The following PITPNB variants were observed in gnomAD, a reference collection of about 807,000 sequenced individuals.
PITPNB encodes phosphatidylinositol transfer protein beta.
In PITPNB, 16 loss-of-function variants were observed where a neutral mutation model predicts 45.9. That is an observed-to-expected ratio of 0.35 (90% CI 0.24 to 0.53). The LOEUF is 0.53. PITPNB is among the 20% of genes least tolerant of loss of function. PITPNB has a pLI of 0.93. For missense variants in PITPNB, 188 were observed against 330.5 expected (o/e 0.57, Z 3.34); for synonymous variants, 112 against 108.9 (o/e 1.03, Z -0.18).
chr22:27,903,411 G>A (rs1020957942), intron 3 of PITPNB, among the ~76,000 whole-genome samples: 1 of 150,220 alleles, frequency 6.7e-6, no homozygotes, highest in Non-Finnish European at 1.5e-5. Flanking sequence ...GGAGGTTGTG[G>A]TGAGCCGAGA....
chr22:27,913,289 T>C (rs1032692894), intron 2 of PITPNB, among the ~76,000 whole-genome samples: 1 of 152,190 alleles, frequency 6.6e-6, no homozygotes, highest in Non-Finnish European at 1.5e-5. Context: ...CTTTTTCACT[T>C]CCTGCATTTC....
At chr22:27,879,057 A>G (rs1181600367) in intron 7 of PITPNB, among the ~76,000 whole-genome samples, 2 of 151,780 alleles carry the variant, frequency 1.3e-5, no homozygotes, top group Non-Finnish European at 2.9e-5. Flanking sequence ...AATCTTTCTG[A>G]TCTCAAAGAG....
intron 3 of PITPNB, among the ~76,000 whole-genome samples, chr22:27,901,285 G>T (rs910615462): frequency 6.6e-6 from 1 of 152,140 alleles, no homozygotes; most frequent in African/African-American, 2.4e-5. Context: ...CTGAACGCCT[G>T]ATCTAGGCAC....
chr22:27,910,086 G>A (rs1194991006), intron 3 of PITPNB, among the ~76,000 whole-genome samples: 2 of 152,030 alleles, frequency 1.3e-5, no homozygotes, highest in East Asian at 3.9e-4. Flanking sequence ...AAGTAGCTGG[G>A]ACTATAGGCG....
At chr22:27,897,724 C>G (rs1935475453) in intron 4 of PITPNB, 77 bp downstream of exon 4, 1 of 959,976 alleles carries the variant, frequency 1.0e-6, no homozygotes, top group Non-Finnish European at 1.7e-6. Context: ...TGTAAACCTT[C>G]TCAAAGACAC....
chr22:27,872,712 A>T (rs1934704932), intron 8 of PITPNB, among the ~76,000 whole-genome samples: 1 of 152,136 alleles, frequency 6.6e-6, no homozygotes, highest in South Asian at 2.1e-4. Flanking sequence ...ATGACCTGTA[A>T]CTGGCTTCAG....
chr22:27,888,087 A>G (rs535329684), intron 7 of PITPNB, among the ~76,000 whole-genome samples: 1 of 152,340 alleles, frequency 6.6e-6, no homozygotes, highest in East Asian at 1.9e-4. Context: ...AACTAAGCAA[A>G]CTATTTTTCT....
chr22:27,861,324 T>C (rs1334125171), intron 8 of PITPNB, among the ~76,000 whole-genome samples: 1 of 151,814 alleles, frequency 6.6e-6, no homozygotes, highest in African/African-American at 2.4e-5. Flanking sequence ...AATAAAGACA[T>C]AAATAAACTG....
intron 7 of PITPNB, among the ~76,000 whole-genome samples, chr22:27,884,832 T>C (rs1286462419): frequency 6.6e-6 from 1 of 152,178 alleles, no homozygotes; most frequent in Non-Finnish European, 1.5e-5. Context: ...CACTCAGATG[T>C]TAAGGTGCAT....
chr22:27,900,846 G>T (rs1935571417), intron 3 of PITPNB, among the ~76,000 whole-genome samples: 2 of 152,134 alleles, frequency 1.3e-5, no homozygotes. Flanking sequence ...TCCTCATTTG[G>T]AAGCTTAGCC....
intron 10 of PITPNB, among the ~76,000 whole-genome samples, chr22:27,856,565 G>A (rs1934179543): frequency 6.6e-6 from 1 of 152,210 alleles, no homozygotes; most frequent in Non-Finnish European, 1.5e-5. Context: ...AGGGTTTAGA[G>A]TCCAAACCAG....
chr22:27,866,882 T>C (rs555272522), intron 8 of PITPNB, among the ~76,000 whole-genome samples: 1 of 152,210 alleles, frequency 6.6e-6, no homozygotes, highest in South Asian at 2.1e-4. Flanking sequence ...GTGCTGCCAG[T>C]GTGTGTGCAT....
At chr22:27,909,337 AT>A (rs1935853796) in intron 3 of PITPNB, among the ~76,000 whole-genome samples, 1 of 148,292 alleles carries the variant, frequency 6.7e-6, no homozygotes, top group South Asian at 2.1e-4. Flanking sequence ...AAGTTCTGGG[AT>A]TATAGGCCTG....
At chr22:27,914,260 C>A (rs1292677558) in intron 2 of PITPNB, 57 bp downstream of exon 2, 13 of 1,039,486 alleles carry the variant, frequency 1.3e-5, no homozygotes, top group Non-Finnish European at 1.8e-5. Context: ...TTTAGAGTAA[C>A]ATATCAAAGT....
At chr22:27,896,476 T>C (rs1013919003) in intron 6 of PITPNB, 76 bp downstream of exon 6, 1 of 956,948 alleles carries the variant, frequency 1.0e-6, no homozygotes, top group Non-Finnish European at 1.7e-6. Flanking sequence ...ATTACTTTGA[T>C]GATGACAAAG....
intron 2 of PITPNB, among the ~76,000 whole-genome samples, chr22:27,912,075 A>G (rs779642130): frequency 6.6e-6 from 1 of 152,196 alleles, no homozygotes; most frequent in Non-Finnish European, 1.5e-5. Context: ...GAAGAAGTGT[A>G]TTTCTTCTTT....
chr22:27,898,348 C>A (rs1204283162), intron 3 of PITPNB, among the ~76,000 whole-genome samples: 2 of 151,430 alleles, frequency 1.3e-5, no homozygotes, highest in Non-Finnish European at 2.9e-5. Context: ...GCACTCTAGC[C>A]TGGGCAAAAG....
chr22:27,897,006 G>T, intron 5 of PITPNB, 124 bp downstream of exon 5: 1 of 762,668 alleles, frequency 1.3e-6, no homozygotes, highest in South Asian at 1.5e-5. Flanking sequence ...GCGGCTGGTT[G>T]GTGGGACACA....
intron 7 of PITPNB, among the ~76,000 whole-genome samples, chr22:27,893,808 C>T (rs763503492): frequency 6.6e-6 from 1 of 152,022 alleles, no homozygotes; most frequent in Non-Finnish European, 1.5e-5. Context: ...CCAGGCTGGT[C>T]TCAAGCTCCT....
Sources: allele counts gnomAD v4.1 joint callset (sites outside exome capture counted in the v4.1 genomes callset), GRCh38; gene constraint gnomAD v4.1.1; transcripts MANE v1.5; gene names NCBI Gene and HGNC (gene_info 2026-07-23, HGNC 2026-07-21).